Variants in XKR3 observed in about 807,000 individuals in gnomAD.
The protein encoded by XKR3 is XK related 3, also known as XK-related protein 3.
XKR3 carries 27 observed loss-of-function variants against 40.3 expected under a neutral mutation model. That is an observed-to-expected ratio of 0.67 (90% CI 0.49 to 0.92). The LOEUF (loss-of-function observed/expected upper bound fraction) is 0.92, where lower values mean the gene tolerates loss of function less well. Ranked by LOEUF, XKR3 falls within the 40% of genes least tolerant of loss-of-function variation. The pLI, the probability that XKR3 is intolerant of heterozygous loss-of-function variation, is 0.00. For synonymous variants in XKR3, 193 were observed against 195.4 expected (o/e 0.99, Z 0.10); for missense variants, 472 against 537.6 (o/e 0.88, Z 1.21).
chr22:16,807,802 T>A lies in XKR3; in HGVS notation c.272A>T (p.Asp91Val). Reference protein sequence around the residue: ...DQIILMFFNKDLRRNKAALLF... With the variant: ...DQIILMFFNKVLRRNKAALLF... ...TAATGCAGCCTTATTTCTCCTCAAG[T>A]CTTTGTTGAAAAACATCAGGATAAT... Residue 91 changes from aspartate (D) to valine (V), a missense_variant, in exon 2 of 4, where the codon GAC becomes GTC. Transcript: ENST00000684488. The A allele has an allele frequency of 6.2e-7, 1 of 1,613,772 alleles. No homozygotes were observed. Among genetic ancestry groups the A allele is most frequent in the Non-Finnish European group, 8.5e-7 (1 of 1,179,778 alleles).
rs759106180 is a variant in XKR3, at chr22:16,803,646, G to T, written c.336-3622C>A. ...TTGCAGCAAAGGAGCCAGTCAAAAT[G>T]CACGAAAACCAAAATGGCCACAAGA... On this transcript the variant is annotated intron_variant, in intron 2 of 3. Transcript: ENST00000684488. 3.3e-5 allele frequency among the ~76,000 whole-genome samples: 5 copies of T among 152,268 alleles called. No homozygotes were observed. In the East Asian group the frequency reaches 7.7e-4, roughly 24 times the overall value.
intron 1 of XKR3, among the ~76,000 whole-genome samples, chr22:16,822,577 T>C (rs1404064503): frequency 1.3e-5 from 2 of 152,202 alleles, no homozygotes; most frequent in South Asian, 2.1e-4. Context: ...TGGAAACCCA[T>C]ACTTGACATA....
chr22:16,824,082 A>G (rs1323165270), intron 1 of XKR3, among the ~76,000 whole-genome samples: 1 of 149,644 alleles, frequency 6.7e-6, no homozygotes, highest in Non-Finnish European at 1.5e-5. Context: ...GCAATATGAA[A>G]CAGTCTTCAA....
At chr22:16,811,149 C>G (rs947654315) in intron 1 of XKR3, among the ~76,000 whole-genome samples, 7 of 135,164 alleles carry the variant, frequency 5.2e-5, no homozygotes, top group African/African-American at 8.4e-5. Context: ...TAGGAAGTAA[C>G]AAAGTCTTGC....
chr22:16,793,444 C>T (rs1183933733), intron 3 of XKR3, among the ~76,000 whole-genome samples: 3 of 152,192 alleles, frequency 2.0e-5, no homozygotes, highest in East Asian at 1.9e-4. Context: ...TTCCAGTACA[C>T]GGGTTAAGAG....
intron 3 of XKR3, among the ~76,000 whole-genome samples, chr22:16,788,125 T>C: frequency 6.6e-6 from 1 of 152,150 alleles, no homozygotes; most frequent in East Asian, 1.9e-4. Flanking sequence ...ATCAAAGTCA[T>C]ACAGGGTATC....
Position 16,788,725 on chromosome 22 carries a change from A to G in XKR3, c.590-4316T>C, listed in dbSNP as rs1236459559. Among the ~76,000 whole-genome samples, 12 of 152,264 alleles carry G rather than the reference A, an allele frequency of 7.9e-5. No homozygotes were observed. The East Asian group carries it at 2.3e-3, about 29-fold the overall frequency. On this transcript the variant is annotated intron_variant, in intron 3 of 3. Transcript: ENST00000684488. ...ACAGGCTAATATACCTGATTAACATAATGTAAAAATCCTCAACAGAATACT... is the reference window on the plus strand; with the variant it reads ...ACAGGCTAATATACCTGATTAACATGATGTAAAAATCCTCAACAGAATACT...
At position 16,784,186 on chromosome 22, in the gene XKR3, T is replaced by A; in HGVS notation, c.813A>T (p.Ile271=). The A allele has an allele frequency of 6.2e-7, 1 of 1,614,222 alleles. No individual in the cohort carries two copies. Among genetic ancestry groups the A allele is most frequent in the Non-Finnish European group, 8.5e-7 (1 of 1,180,050 alleles). The part of the protein sequence containing the change: ...KLKSLPVLLI[I]YFVSLLAPWL... ...ACGGTGCCAACAATGATACAAAATA[T>A]ATGATTAACAAAACGGGTAGGCTCT... The change falls in exon 4 of 4, where the codon ATA becomes ATT. Residue 271 remains isoleucine (I), a synonymous_variant. Coordinates refer to ENST00000684488, the MANE Select transcript of XKR3 (RefSeq NM_001386955.1).
intron 2 of XKR3, among the ~76,000 whole-genome samples, chr22:16,802,396 G>A (rs1428784009): frequency 6.6e-6 from 1 of 152,130 alleles, no homozygotes; most frequent in African/African-American, 2.4e-5. Flanking sequence ...AAGGTAAGGA[G>A]TAAAGGAAAG....
chr22:16,816,843 G>A (rs1253375497), intron 1 of XKR3, among the ~76,000 whole-genome samples: 1 of 151,830 alleles, frequency 6.6e-6, no homozygotes, highest in Non-Finnish European at 1.5e-5. Flanking sequence ...ATGGTCATCA[G>A]ATATAACATG....
At chr22:16,805,825 A>C (rs2060187177) in intron 2 of XKR3, among the ~76,000 whole-genome samples, 1 of 152,230 alleles carries the variant, frequency 6.6e-6, no homozygotes, top group Non-Finnish European at 1.5e-5. Context: ...TGCCAGGTCC[A>C]TTCAAAAATC....
At chr22:16,814,163 T>A (rs2060223938) in intron 1 of XKR3, among the ~76,000 whole-genome samples, 1 of 152,206 alleles carries the variant, frequency 6.6e-6, no homozygotes, top group South Asian at 2.1e-4. Flanking sequence ...TATTTTATTG[T>A]GTTCAGCTCC....
chr22:16,801,207 A>C (rs1408333788), intron 2 of XKR3, among the ~76,000 whole-genome samples: 2 of 150,922 alleles, frequency 1.3e-5, no homozygotes, highest in Non-Finnish European at 3.0e-5. Context: ...AGATTAAGGA[A>C]GTCTTATATA....
chr22:16,821,410 A>C (rs2060255153), intron 1 of XKR3, among the ~76,000 whole-genome samples: 1 of 152,140 alleles, frequency 6.6e-6, no homozygotes, highest in African/African-American at 2.4e-5. Flanking sequence ...CCTAATTATA[A>C]GGAGTATTTT....
intron 1 of XKR3, among the ~76,000 whole-genome samples, chr22:16,824,418 A>G (rs1217988336): frequency 6.6e-6 from 1 of 152,174 alleles, no homozygotes; most frequent in Non-Finnish European, 1.5e-5. Context: ...TAAGTGAGTA[A>G]GAAAAGCAGA....
intron 1 of XKR3, among the ~76,000 whole-genome samples, chr22:16,823,915 G>T (rs117758617): frequency 6.6e-6 from 1 of 151,978 alleles, no homozygotes; most frequent in African/African-American, 2.4e-5. Context: ...ATAATTCAAG[G>T]CTGCTGAAAC....
At chr22:16,796,875 CA>C (rs1303879761) in intron 3 of XKR3, among the ~76,000 whole-genome samples, 3 of 152,058 alleles carry the variant, frequency 2.0e-5, no homozygotes, top group Non-Finnish European at 2.9e-5. Flanking sequence ...CAATCATAAG[CA>C]AAAATAACAA....
chr22:16,825,325 C>T lies in XKR3; in HGVS notation c.-45G>A, dbSNP rs1019527786. On this transcript the variant is annotated 5_prime_UTR_variant, in exon 1 of 4. Coordinates refer to ENST00000684488, the MANE Select transcript of XKR3 (RefSeq NM_001386955.1). Reference sequence around the variant, plus strand: ...TTGCCACCCTCACAGTTTTGAAACTCGTTCAAAAAGTAAATGCTTTTGTTC... The same window carrying T: ...TTGCCACCCTCACAGTTTTGAAACTTGTTCAAAAAGTAAATGCTTTTGTTC... Among the ~76,000 whole-genome samples, 1 of 152,182 alleles carries T rather than the reference C, an allele frequency of 6.6e-6. No individual in the cohort carries two copies. The highest frequency in any genetic ancestry group is 2.4e-5 in the African/African-American group (1 of 41,440).
intron 2 of XKR3, among the ~76,000 whole-genome samples, chr22:16,805,552 G>T (rs1348877944): frequency 1.3e-5 from 2 of 152,034 alleles, no homozygotes; most frequent in African/African-American, 2.4e-5. Flanking sequence ...TGCCTTTATT[G>T]TTGTTATTAT....
Sources: allele counts gnomAD v4.1 joint callset (sites outside exome capture counted in the v4.1 genomes callset), GRCh38; gene constraint gnomAD v4.1.1; transcripts MANE v1.5; gene names NCBI Gene and HGNC (gene_info 2026-07-23, HGNC 2026-07-21).